The following SLC14A2 variants were observed in gnomAD, a reference collection of about 807,000 sequenced individuals.
SLC14A2 encodes solute carrier family 14 member 2, also known as urea transporter 2.
In SLC14A2, 91 loss-of-function variants were observed where a neutral mutation model predicts 104.6. The observed-to-expected ratio is 0.87, with a 90% CI of 0.73 to 1.04. The LOEUF (loss-of-function observed/expected upper bound fraction) is 1.04. Among genes scored for constraint, SLC14A2 ranks in the 50% least tolerant of loss-of-function variants. The probability of loss-of-function intolerance (pLI) is 0.00; values close to 1 mark genes in which losing one functional copy is unlikely to be tolerated. For missense variants in SLC14A2, 1,189 were observed against 1,156.0 expected (o/e 1.03, Z -0.41); for synonymous variants, 476 against 466.4 (o/e 1.02, Z -0.27).
the SLC14A2 span, among the ~76,000 whole-genome samples, chr18:45,185,639 G>A: frequency 8.5e-5 from 13 of 152,086 alleles, 1 homozygote; most frequent in East Asian, 2.5e-3. Context: ...AAAAGTTCTA[G>A]CCAGTGAAAT....
the SLC14A2 span, among the ~76,000 whole-genome samples, chr18:45,176,203 G>A: frequency 2.0e-5 from 3 of 152,112 alleles, no homozygotes; most frequent in Non-Finnish European, 4.4e-5. Context: ...GGCATCAGCA[G>A]GAATACTTTG....
chr18:45,289,989 G>A (rs1374674239), intron 1 of SLC14A2, among the ~76,000 whole-genome samples: 1 of 152,162 alleles, frequency 6.6e-6, no homozygotes, highest in Non-Finnish European at 1.5e-5. Context: ...ATGAGTTATT[G>A]ATAATAACTT....
intron 1 of SLC14A2, among the ~76,000 whole-genome samples, chr18:45,418,818 T>C (rs1208686984): frequency 1.3e-5 from 2 of 152,202 alleles, no homozygotes; most frequent in Non-Finnish European, 2.9e-5. Flanking sequence ...CCTGTTCAAC[T>C]AGCTTTCTCT....
At chr18:45,263,072 G>A (rs1028097259) in intron 1 of SLC14A2, among the ~76,000 whole-genome samples, 1 of 152,152 alleles carries the variant, frequency 6.6e-6, no homozygotes, top group Admixed American at 6.6e-5. Flanking sequence ...TCCAGTGTTT[G>A]TTTTCTGTTT....
chr18:45,320,820 G>A (rs962953696), intron 1 of SLC14A2, among the ~76,000 whole-genome samples: 2 of 152,110 alleles, frequency 1.3e-5, no homozygotes, highest in African/African-American at 4.8e-5. Flanking sequence ...CAGTGGTCAG[G>A]ATACATCGCT....
intron 1 of SLC14A2, among the ~76,000 whole-genome samples, chr18:45,359,342 G>A (rs931195969): frequency 2.0e-5 from 3 of 152,176 alleles, no homozygotes; most frequent in African/African-American, 4.8e-5. Flanking sequence ...TTGTTCCAGA[G>A]TGGCTCCCCA....
At chr18:45,489,212 G>A (rs952234516) in intron 2 of SLC14A2, among the ~76,000 whole-genome samples, 1 of 152,086 alleles carries the variant, frequency 6.6e-6, no homozygotes, top group African/African-American at 2.4e-5. Flanking sequence ...TTATGTAACA[G>A]TTAACCTATA....
At chr18:45,506,700 G>A (rs149654646) in intron 2 of SLC14A2, among the ~76,000 whole-genome samples, 1 of 152,194 alleles carries the variant, frequency 6.6e-6, no homozygotes, top group Non-Finnish European at 1.5e-5. Flanking sequence ...TCCACAGGGA[G>A]CATGGCCCTG....
chr18:45,335,402 T>C (rs2085328964), intron 1 of SLC14A2, among the ~76,000 whole-genome samples: 1 of 152,220 alleles, frequency 6.6e-6, no homozygotes, highest in Non-Finnish European at 1.5e-5. Flanking sequence ...TTTGAGGACA[T>C]CTATTGAAGG....
intron 1 of SLC14A2, among the ~76,000 whole-genome samples, chr18:45,240,641 G>GTT (rs1231196775): frequency 1.1e-4 from 15 of 141,150 alleles, no homozygotes; most frequent in Non-Finnish European, 2.0e-4. Flanking sequence ...TTTTTTTTTT[G>GTT]TTTTTTTTGT....
chr18:45,559,676 C>T (rs2044177264), intron 2 of SLC14A2, among the ~76,000 whole-genome samples: 1 of 152,250 alleles, frequency 6.6e-6, no homozygotes, highest in Admixed American at 6.5e-5. Context: ...AAAGCCTTCT[C>T]TAATCACCTT....
intron 2 of SLC14A2, among the ~76,000 whole-genome samples, chr18:45,589,810 A>T (rs1231248219): frequency 6.6e-6 from 1 of 152,176 alleles, no homozygotes; most frequent in Non-Finnish European, 1.5e-5. Flanking sequence ...CTTGCTGAAG[A>T]AGAGGGAAGT....
At chr18:45,239,182 A>G (rs2084286338) in intron 1 of SLC14A2, among the ~76,000 whole-genome samples, 2 of 152,180 alleles carry the variant, frequency 1.3e-5, no homozygotes. Flanking sequence ...CACTCACCTA[A>G]GGAGGAAACT....
chr18:45,534,567 A>G (rs534746351), intron 2 of SLC14A2, among the ~76,000 whole-genome samples: 8 of 152,186 alleles, frequency 5.3e-5, no homozygotes, highest in Non-Finnish European at 1.2e-4. Context: ...AATAATAACA[A>G]TGTAGACCCT....
intron 2 of SLC14A2, among the ~76,000 whole-genome samples, chr18:45,591,102 C>T (rs893290692): frequency 6.6e-6 from 1 of 151,932 alleles, no homozygotes; most frequent in Non-Finnish European, 1.5e-5. Flanking sequence ...GAGGTCTTAA[C>T]TCTCCCTCTT....
chr18:45,273,231 T>A (rs1205089105), intron 1 of SLC14A2, among the ~76,000 whole-genome samples: 1 of 152,112 alleles, frequency 6.6e-6, no homozygotes, highest in Non-Finnish European at 1.5e-5. Flanking sequence ...ATCCAACAGT[T>A]CCAAGATTAC....
intron 1 of SLC14A2, among the ~76,000 whole-genome samples, chr18:45,619,871 T>G (rs1385447619): frequency 6.6e-6 from 1 of 152,200 alleles, no homozygotes; most frequent in Non-Finnish European, 1.5e-5. Flanking sequence ...GTAAGATCAC[T>G]AAGCGCCTAC....
At chr18:45,534,987 A>G (rs990990686) in intron 2 of SLC14A2, among the ~76,000 whole-genome samples, 7 of 152,230 alleles carry the variant, frequency 4.6e-5, no homozygotes, top group Non-Finnish European at 1.0e-4. Flanking sequence ...TTCTGGTTAA[A>G]TGAATTAGCT....
Position 45,662,639 on chromosome 18 carries a change from ACT to A in SLC14A2, c.1352-1143_1352-1142del, listed in dbSNP as rs145477344. 2.0e-3 allele frequency among the ~76,000 whole-genome samples: 311 copies of A among 152,108 alleles called. 3 individuals carry two copies. Among genetic ancestry groups the A allele is most frequent in the African/African-American group, 7.3e-3 (301 of 41,482 alleles). On this transcript the variant is annotated intron_variant, in intron 10 of 19. Transcript: ENST00000255226. ...CCATTTGTAGGATGCTAAAGAAATC[ACT>A]CTGAGCCTCAATTTTCCACCTTTTA... is the stretch of plus-strand genomic sequence containing the variant.
Sources: gnomAD v4.1 joint callset for allele counts (sites outside exome capture counted in the v4.1 genomes callset) on GRCh38, gnomAD v4.1.1 for gene constraint, MANE v1.5 for transcripts, NCBI Gene and HGNC (gene_info 2026-07-23, HGNC 2026-07-21) for gene names.